HMCN1: variants seen among roughly 807,000 people sequenced by gnomAD.
The protein encoded by HMCN1 is hemicentin-1.
A neutral mutation model predicts 625.9 loss-of-function variants in HMCN1; 321 were observed. The ratio of observed to expected loss-of-function variants is 0.51; its 90% CI spans 0.47 to 0.56. The LOEUF is 0.56. Among genes scored for constraint, HMCN1 ranks in the 20% least tolerant of loss-of-function variants. The pLI is 0.00. For synonymous variants in HMCN1, 2,425 were observed against 2,417.6 expected, an observed-to-expected ratio of 1.00 and a Z score of -0.09; for missense variants, 6,588 against 6,887.3, an observed-to-expected ratio of 0.96 and a Z score of 1.54.
intron 104 of HMCN1, among the ~76,000 whole-genome samples, chr1:186,180,412 A>G (rs976919031): frequency 4.6e-5 from 7 of 152,050 alleles, no homozygotes; most frequent in Non-Finnish European, 1.0e-4. Flanking sequence ...TTCTACCTTT[A>G]CTTTCCTGCC....
In HMCN1 at chr1:186,016,030, T is replaced by C. The variant is rs1252403744; in HGVS notation, c.4982T>C (p.Leu1661Pro). The part of the protein sequence containing the change: ...KQVVIAHSLT[L>P]ECKAAGNPSP... ...GTAGTTATTGCTCATTCTCTGACAC[T>C]GGAGTGCAAAGCTGCTGGAAACCCT... Residue 1661 changes from leucine (L) to proline (P), a missense_variant, in exon 32 of 107, where the codon CTG (leucine) becomes CCG (proline). Leu to Pro is a moderately conservative substitution (Grantham distance 98, BLOSUM62 -3). Coordinates refer to ENST00000271588, the MANE Select transcript of HMCN1 (RefSeq NM_031935.3). The C allele has an allele frequency of 3.1e-6, 5 of 1,613,338 alleles. No individual in the cohort carries two copies. The highest frequency in any genetic ancestry group is 4.2e-6 in the Non-Finnish European group (5 of 1,179,552).
intron 11 of HMCN1, among the ~76,000 whole-genome samples, chr1:185,950,572 C>T (rs949587600): frequency 2.7e-5 from 4 of 150,774 alleles, no homozygotes; most frequent in African/African-American, 4.9e-5. Flanking sequence ...AGGGAGAGCA[C>T]GTGTGTTTTT....
rs1237688197 is a variant in HMCN1, at chr1:186,015,438, G to A, written c.4909+1G>A. ...AAATCATTCCATGTGGATGTCTATG[G>A]TGAGGAACAACATATGCTTTAATTA... On this transcript the variant is annotated splice_donor_variant, in intron 31 of 106. Transcript: ENST00000271588. LOFTEE classifies it high-confidence loss of function. 3.1e-6 allele frequency: 5 copies of A among 1,612,720 alleles called. No individual in the cohort carries two copies. The highest frequency in any genetic ancestry group is 3.4e-6 in the Non-Finnish European group (4 of 1,179,000).
chr1:185,832,584 G>T (rs1464254552), intron 1 of HMCN1, among the ~76,000 whole-genome samples: 1 of 152,122 alleles, frequency 6.6e-6, no homozygotes, highest in Non-Finnish European at 1.5e-5. Context: ...GAAAAAAAGA[G>T]GTTCCATACC....
intron 1 of HMCN1, among the ~76,000 whole-genome samples, chr1:185,773,991 G>T (rs1324082491): frequency 6.6e-6 from 1 of 152,136 alleles, no homozygotes; most frequent in Non-Finnish European, 1.5e-5. Context: ...AAAGGATTCA[G>T]AAAAGCTATG....
chr1:186,054,079 C>A, intron 44 of HMCN1, 93 bp downstream of exon 44: 2 of 1,239,144 alleles, frequency 1.6e-6, no homozygotes, highest in South Asian at 1.2e-5. Flanking sequence ...AATGTTCATT[C>A]AAAATGGTAT....
Position 186,062,603 on chromosome 1 carries a change from A to G in HMCN1, c.7513+3A>G. ...TACGCTGACTTGTGAAGTGACAGGT[A>G]TGGGCTCAGCTCTCAGACTTTTGGT... On this transcript the variant is annotated splice_donor_region_variant and intron_variant, in intron 48 of 106. Coordinates refer to ENST00000271588, the MANE Select transcript of HMCN1 (RefSeq NM_031935.3). 1.3e-6 allele frequency: 2 copies of G among 1,599,216 alleles called. No individual in the cohort carries two copies. Among genetic ancestry groups the G allele is most frequent in the Non-Finnish European group, 8.6e-7 (1 of 1,166,634 alleles).
intron 33 of HMCN1, 32 bp downstream of exon 33, chr1:186,017,103 C>T: frequency 8.7e-7 from 1 of 1,155,280 alleles, no homozygotes; most frequent in South Asian, 1.2e-5. Context: ...CTAAATACCT[C>T]CTGCTTTTTG....
chr1:185,821,606 C>G lies in HMCN1; in HGVS notation c.269-24420C>G, dbSNP rs192832360. ...GTCTGATGACAATTATACTCATGTA[C>G]TTGTATACTATGTTTCAGCTCTGGT... On this transcript the variant is annotated intron_variant, in intron 1 of 106. Coordinates refer to ENST00000271588, the MANE Select transcript of HMCN1 (RefSeq NM_031935.3). 6.9e-4 allele frequency among the ~76,000 whole-genome samples: 105 copies of G among 151,966 alleles called. 1 individual carries two copies. The highest frequency in any genetic ancestry group is 6.2e-4 in the South Asian group (3 of 4,808).
chr1:185,923,319 CA>C, intron 7 of HMCN1, 70 bp from the exon 8 acceptor site: 1 of 1,172,760 alleles, frequency 8.5e-7, no homozygotes. Context: ...TATTATCATG[CA>C]AATACTTATT....
intron 44 of HMCN1, 114 bp downstream of exon 44, chr1:186,054,100 A>G (rs748912162): frequency 3.0e-6 from 3 of 1,003,306 alleles, no homozygotes; most frequent in Non-Finnish European, 4.6e-6. Flanking sequence ...GGTTGTAACT[A>G]TCATATGACA....
At chr1:185,910,572 C>CTTTT (rs530690323) in intron 5 of HMCN1, among the ~76,000 whole-genome samples, 2 of 140,308 alleles carry the variant, frequency 1.4e-5, no homozygotes, top group Non-Finnish European at 1.6e-5. Flanking sequence ...TTTCTTCCTT[C>CTTTT]TTTTTTTTTT....
chr1:186,105,292 C>T (rs1043677967), intron 69 of HMCN1, among the ~76,000 whole-genome samples: 1 of 152,160 alleles, frequency 6.6e-6, no homozygotes, highest in Admixed American at 6.6e-5. Flanking sequence ...AGCCCCCAGA[C>T]TGATTTTGGT....
intron 55 of HMCN1, among the ~76,000 whole-genome samples, chr1:186,079,186 T>C (rs982631558): frequency 6.6e-6 from 1 of 152,164 alleles, no homozygotes; most frequent in Non-Finnish European, 1.5e-5. Flanking sequence ...CCCCTTTATC[T>C]TGGCTTTTTG....
At chr1:186,066,172 T>C (rs989271811) in intron 49 of HMCN1, among the ~76,000 whole-genome samples, 1 of 152,160 alleles carries the variant, frequency 6.6e-6, no homozygotes, top group Non-Finnish European at 1.5e-5. Context: ...CCAGATACTG[T>C]ATAAGTGTCA....
At chr1:186,078,470 A>G (rs1217849939) in intron 55 of HMCN1, among the ~76,000 whole-genome samples, 1 of 152,198 alleles carries the variant, frequency 6.6e-6, no homozygotes, top group Non-Finnish European at 1.5e-5. Flanking sequence ...ATGAATCAGA[A>G]AAGTCCCAAA....
At chr1:186,000,324 TTTAATA>T in intron 26 of HMCN1, 85 bp downstream of exon 26, 1 of 972,474 alleles carries the variant, frequency 1.0e-6, no homozygotes, top group South Asian at 1.4e-5. Context: ...TGTAATATCA[TTTAATA>T]TTAATGTGAA....
intron 103 of HMCN1, chr1:186,176,809 A>AAAACAT (rs1652612766): frequency 6.6e-6 from 1 of 152,384 alleles, no homozygotes; most frequent in African/African-American, 2.4e-5. Flanking sequence ...CATAAAACAT[A>AAAACAT]AAAGAGAGAC....
intron 1 of HMCN1, among the ~76,000 whole-genome samples, chr1:185,817,503 C>T (rs1343174772): frequency 6.6e-6 from 1 of 152,052 alleles, no homozygotes; most frequent in Non-Finnish European, 1.5e-5. Context: ...GGCCAGTTTA[C>T]AGAGGGGCAG....
Sources: allele counts gnomAD v4.1 joint callset (sites outside exome capture counted in the v4.1 genomes callset), GRCh38; gene constraint gnomAD v4.1.1; transcripts MANE v1.5; gene names NCBI Gene and HGNC (gene_info 2026-07-23, HGNC 2026-07-21).